The following DNAJC10 variants were observed in gnomAD, a reference collection of about 807,000 sequenced individuals.
The protein encoded by DNAJC10 is DnaJ heat shock protein family (Hsp40) member C10.
DNAJC10 carries 101 observed loss-of-function variants against 115.0 expected under a neutral mutation model. The observed-to-expected ratio is 0.88, with a 90% CI of 0.75 to 1.04. The LOEUF is 1.04. Among genes scored for constraint, DNAJC10 ranks in the 50% least tolerant of loss-of-function variants. DNAJC10 has a pLI of 0.00. For missense variants in DNAJC10, 981 were observed against 928.8 expected, an observed-to-expected ratio of 1.06 and a Z score of -0.73; for synonymous variants, 307 against 301.5, an observed-to-expected ratio of 1.02 and a Z score of -0.19.
chr2:182,789,939 A>C lies in DNAJC10; in HGVS notation c.*12807A>C, dbSNP rs575124667. On this transcript the variant is annotated 3_prime_UTR_variant, in exon 24 of 24. Transcript: ENST00000264065. Reference sequence around the variant, plus strand: ...TAAATTATTACTTTTTCCATATCAAAGTACTTTGTGGGAAGTTGGTTATTT... The same window carrying C: ...TAAATTATTACTTTTTCCATATCAACGTACTTTGTGGGAAGTTGGTTATTT... The C allele has an allele frequency of 1.7e-4, 26 of 152,304 alleles. No homozygotes were observed. Among genetic ancestry groups the C allele is most frequent in the African/African-American group, 6.3e-4 (26 of 41,570 alleles). The allele number at this position is 152,304 out of a possible 1,614,324, so 9.4% of individuals were successfully genotyped here.
chr2:182,773,479 T>C (rs577688818), intron 22 of DNAJC10, among the ~76,000 whole-genome samples: 4 of 152,336 alleles, frequency 2.6e-5, no homozygotes, highest in South Asian at 2.1e-4. Context: ...TCAAACAGAT[T>C]TGGTCTTTCC....
Position 182,788,919 on chromosome 2 carries a change from A to C in DNAJC10, c.*11787A>C, listed in dbSNP as rs903588137. The C allele has an allele frequency of 4.6e-5, 19 of 417,488 alleles. No individual in the cohort carries two copies. Among genetic ancestry groups the C allele is most frequent in the African/African-American group, 3.8e-4 (18 of 47,882 alleles). 25.9% of individuals were successfully genotyped at this position (417,488 alleles called of 1,614,324 possible). A position where few individuals can be genotyped will look rare whatever the true frequency, so the allele number is the denominator to read the frequency against. On this transcript the variant is annotated 3_prime_UTR_variant, in exon 24 of 24. Coordinates refer to ENST00000264065, the MANE Select transcript of DNAJC10 (RefSeq NM_018981.4). The stretch of plus-strand genomic sequence containing the variant: ...TTTTAGAGTTTTTTAAATTGTGATA[A>C]AGTACATGTAACAAAATTTATTAAT...
intron 11 of DNAJC10, among the ~76,000 whole-genome samples, chr2:182,737,996 CAG>C (rs1693629905): frequency 6.6e-6 from 1 of 152,098 alleles, no homozygotes; most frequent in Non-Finnish European, 1.5e-5. Context: ...TTTTTTCACT[CAG>C]TGTATCAGGA....
In DNAJC10 at chr2:182,722,042, C is replaced by T; in HGVS notation, c.385C>T (p.Pro129Ser). Residue 129 changes from proline (P) to serine (S), a missense_variant, in exon 5 of 24, where the codon CCT becomes TCT. Transcript: ENST00000264065. The part of the protein sequence containing the change: ...RYDFGIYDDD[P>S]EIITLERREF... ...AAAATTAGGTATTTATGATGATGAT[C>T]CTGAAATCATAACATTGGAAAGAAG... 6.5e-7 allele frequency: 1 copy of T among 1,546,418 alleles called. No individual in the cohort carries two copies. Among genetic ancestry groups the T allele is most frequent in the Non-Finnish European group, 8.8e-7 (1 of 1,142,544 alleles).
Position 182,778,898 on chromosome 2 carries a change from T to C in DNAJC10, c.*1766T>C, listed in dbSNP as rs776097439. 3.3e-5 allele frequency: 5 copies of C among 152,230 alleles called. No individual in the cohort carries two copies. The highest frequency in any genetic ancestry group is 7.3e-5 in the Non-Finnish European group (5 of 68,046). 9.4% of individuals were successfully genotyped at this position (152,230 alleles called of 1,614,324 possible). ...ACTTGGGTAAATACTTACTAAAATATACTGGTTATGTGCATATCACCACAC... is the reference window on the plus strand; with the variant it reads ...ACTTGGGTAAATACTTACTAAAATACACTGGTTATGTGCATATCACCACAC... On this transcript the variant is annotated 3_prime_UTR_variant, in exon 24 of 24. Transcript: ENST00000264065.
intron 22 of DNAJC10, among the ~76,000 whole-genome samples, chr2:182,773,068 A>G (rs1694609318): frequency 6.6e-6 from 1 of 152,126 alleles, no homozygotes; most frequent in Admixed American, 6.6e-5. Context: ...TTGTCTGTAA[A>G]GGATTTTATT....
chr2:182,722,174 A>C (rs1693167610), intron 5 of DNAJC10, 99 bp downstream of exon 5: 1 of 812,800 alleles, frequency 1.2e-6, no homozygotes, highest in Non-Finnish European at 2.0e-6. Flanking sequence ...AATCTTTTGG[A>C]GTTTCGAACA....
rs528226298 is a variant in DNAJC10 at position 182,743,587 on chromosome 2, T to C, written c.1192-11T>C. The C allele has an allele frequency of 5.0e-6, 8 of 1,593,366 alleles. No homozygotes were observed. The South Asian group carries it at 7.8e-5, about 16-fold the overall frequency. The stretch of plus-strand genomic sequence containing the variant: ...AGTGTTTTTATCAAATTTGACCTTT[T>C]TCTCCTTTAGGTTGGCAGGTTTGAC... On this transcript the variant is annotated splice_polypyrimidine_tract_variant and intron_variant, in intron 13 of 23. Transcript: ENST00000264065.
At chr2:182,719,250 C>CTT (rs57284693) in intron 3 of DNAJC10, among the ~76,000 whole-genome samples, 213 of 83,654 alleles carry the variant, frequency 2.5e-3, no homozygotes, top group East Asian at 3.7e-3. Flanking sequence ...GGATTGTTTT[C>CTT]TTTTTTTTTT....
chr2:182,724,003 C>T (rs1693220440), intron 5 of DNAJC10, among the ~76,000 whole-genome samples: 2 of 152,118 alleles, frequency 1.3e-5, no homozygotes, highest in African/African-American at 4.8e-5. Context: ...CAGATGTTAT[C>T]ATTTCTGGCT....
chr2:182,721,007 A>G (rs1319019814), intron 4 of DNAJC10, among the ~76,000 whole-genome samples: 1 of 152,106 alleles, frequency 6.6e-6, no homozygotes, highest in East Asian at 1.9e-4. Flanking sequence ...TTTCTTAAAC[A>G]TGGAGGAAAA....
At chr2:182,743,794 T>C in intron 14 of DNAJC10, 82 bp downstream of exon 14, 1 of 948,520 alleles carries the variant, frequency 1.1e-6, no homozygotes, top group South Asian at 1.5e-5. Context: ...TTAAACTTAT[T>C]TTTTACGGAC....
intron 22 of DNAJC10, among the ~76,000 whole-genome samples, chr2:182,773,132 A>G (rs1694610766): frequency 6.6e-6 from 1 of 152,084 alleles, no homozygotes; most frequent in African/African-American, 2.4e-5. Context: ...TGGGTTGAAA[A>G]TTCTTTTAAG....
Position 182,732,549 on chromosome 2 carries a change from A to G in DNAJC10, c.849+7A>G. 5 of 1,612,872 alleles carry G rather than the reference A, an allele frequency of 3.1e-6. No homozygotes were observed. The highest frequency in any genetic ancestry group is 4.2e-6 in the Non-Finnish European group (5 of 1,179,082). On this transcript the variant is annotated splice_region_variant and intron_variant, in intron 10 of 23. Transcript: ENST00000264065. ...CAGGCTTAGTGGCATGTTGGTAAGC[A>G]TCAATCATTTTGTAAAACTATATCA...
chr2:182,763,713 A>G (rs942622540), intron 22 of DNAJC10, among the ~76,000 whole-genome samples: 2 of 152,134 alleles, frequency 1.3e-5, no homozygotes, highest in Admixed American at 1.3e-4. Flanking sequence ...AATGCCACGT[A>G]CATAAGGTTG....
At chr2:182,734,106 C>A (rs190989189) in intron 10 of DNAJC10, among the ~76,000 whole-genome samples, 2 of 149,130 alleles carry the variant, frequency 1.3e-5, no homozygotes, top group Non-Finnish European at 1.5e-5. Flanking sequence ...TTTTTACTGC[C>A]AGTTTCTTGA....
rs116117738 is a variant in DNAJC10 at position 182,764,585 on chromosome 2, C to G, written c.2265+1784C>G. Among the ~76,000 whole-genome samples the G allele has an allele frequency of 5.2e-3, 798 of 152,160 alleles. 7 individuals carry two copies. Among genetic ancestry groups the G allele is most frequent in the African/African-American group, 0.018 (752 of 41,528 alleles). On this transcript the variant is annotated intron_variant, in intron 22 of 23. Transcript: ENST00000264065. ...ACGTTTTGATGAGAGAAGCATGTAG[C>G]ATACCAACTACTGGAAGAGACTTTA...
In DNAJC10 at chr2:182,740,283, G is replaced by T; in HGVS notation, c.988-16G>T. ...TATTTATTCAAAAAGATTACAATGT[G>T]ATTTTCTTTTTCTAGTTTCTCAACT... is the stretch of plus-strand genomic sequence containing the variant. On this transcript the variant is annotated splice_polypyrimidine_tract_variant and intron_variant, in intron 11 of 23. Transcript: ENST00000264065. 1 of 1,366,218 alleles carries T rather than the reference G, an allele frequency of 7.3e-7. No individual in the cohort carries two copies. The highest frequency in any genetic ancestry group is 1.5e-5 in the South Asian group (1 of 64,930). The allele number at this position is 1,366,218 out of a possible 1,614,324, so 84.6% of individuals were successfully genotyped here. A position where few individuals can be genotyped will look rare whatever the true frequency, so the allele number is the denominator to read the frequency against.
chr2:182,722,628 A>G (rs1282168109), intron 5 of DNAJC10, among the ~76,000 whole-genome samples: 1 of 152,184 alleles, frequency 6.6e-6, no homozygotes, highest in African/African-American at 2.4e-5. Flanking sequence ...CTCTATCACA[A>G]TTGTATTTAA....
Sources: gnomAD v4.1 joint callset for allele counts (sites outside exome capture counted in the v4.1 genomes callset) on GRCh38, gnomAD v4.1.1 for gene constraint, MANE v1.5 for transcripts, NCBI Gene and HGNC (gene_info 2026-07-23, HGNC 2026-07-21) for gene names.